Variants in NCKAP5 observed in about 807,000 individuals in gnomAD.
NCKAP5 encodes the protein NCK associated protein 5.
Under a neutral mutation model 167.0 loss-of-function variants are expected in NCKAP5, and 92 were observed. The ratio of observed to expected loss-of-function variants is 0.55; its 90% confidence interval spans 0.47 to 0.66. The LOEUF is 0.66. Ranked by LOEUF, NCKAP5 falls within the 30% of genes least tolerant of loss-of-function variation. NCKAP5 has a pLI of 0.00. For missense variants in NCKAP5, 2,378 were observed against 2,315.0 expected (o/e 1.03, Z -0.56); for synonymous variants, 891 against 877.4 (o/e 1.02, Z -0.27).
chr2:133,189,938 A>G (rs1390499121), intron 5 of NCKAP5, among the ~76,000 whole-genome samples: 1 of 152,170 alleles, frequency 6.6e-6, no homozygotes, highest in African/African-American at 2.4e-5. Context: ...ATCAGGCAGG[A>G]GAAAGAAATA....
chr2:133,208,849 T>G (rs1045751850), intron 5 of NCKAP5, among the ~76,000 whole-genome samples: 1 of 152,218 alleles, frequency 6.6e-6, no homozygotes, highest in Non-Finnish European at 1.5e-5. Context: ...TCTCATTTTC[T>G]ATTTTCAGGA....
intron 3 of NCKAP5, among the ~76,000 whole-genome samples, chr2:133,382,168 C>G (rs1346003665): frequency 6.6e-6 from 1 of 152,268 alleles, no homozygotes; most frequent in Admixed American, 6.5e-5. Flanking sequence ...CCGCCTCTTC[C>G]TCAATCTCAA....
intron 8 of NCKAP5, among the ~76,000 whole-genome samples, chr2:132,892,426 T>C (rs1257157020): frequency 6.6e-6 from 1 of 152,108 alleles, no homozygotes; most frequent in Non-Finnish European, 1.5e-5. Context: ...ACATATTCCA[T>C]CCCCCACCAC....
At position 132,672,392 on chromosome 2, in the gene NCKAP5, C is replaced by G. The variant is rs1683855868; in HGVS notation, c.*897G>C. The G allele has an allele frequency of 6.6e-6, 1 of 152,090 alleles. No homozygotes were observed. The highest frequency in any genetic ancestry group is 1.5e-5 in the Non-Finnish European group (1 of 68,006). The allele number at this position is 152,090 out of a possible 1,614,324, so 9.4% of individuals were successfully genotyped here. Reference sequence around the variant, plus strand: ...CCAATCAGTGTCCACACTTCAGGACCCTTTTCATTTTTCAGCAGAAGCAGA... The same window carrying G: ...CCAATCAGTGTCCACACTTCAGGACGCTTTTCATTTTTCAGCAGAAGCAGA... On this transcript the variant is annotated 3_prime_UTR_variant, in exon 20 of 20. Transcript: ENST00000409261.
rs758410268 is a variant in NCKAP5 at position 132,728,812 on chromosome 2, T to C, written c.5580+4A>G. ...TGCACCCTTCACCTCCCCCGACCCC[T>C]CACCTGGGTCCCGGTGGCAGCAACT... On this transcript the variant is annotated splice_donor_region_variant and intron_variant, in intron 18 of 19. Coordinates refer to ENST00000409261, the MANE Select transcript of NCKAP5 (RefSeq NM_207363.3). The C allele has an allele frequency of 1.5e-5, 24 of 1,613,462 alleles. No individual in the cohort carries two copies. The African/African-American group carries it at 2.7e-4, about 18-fold the overall frequency.
At chr2:132,867,334 T>C (rs113964988) in intron 10 of NCKAP5, among the ~76,000 whole-genome samples, 3,898 of 152,176 alleles carry the variant, frequency 0.026, 179 homozygotes, top group African/African-American at 0.088. Flanking sequence ...AATCGAGAAA[T>C]TAAAGCCTTA....
intron 3 of NCKAP5, among the ~76,000 whole-genome samples, chr2:133,365,326 T>C (rs1685384940): frequency 6.6e-6 from 1 of 152,210 alleles, no homozygotes; most frequent in African/African-American, 2.4e-5. Context: ...GCACATTGTC[T>C]GATAGAAATG....
intron 2 of NCKAP5, among the ~76,000 whole-genome samples, chr2:133,527,974 A>C (rs1685061532): frequency 6.6e-6 from 1 of 152,158 alleles, no homozygotes; most frequent in African/African-American, 2.4e-5. Flanking sequence ...CTGAGGCAGG[A>C]GGACTGCTTA....
intron 3 of NCKAP5, among the ~76,000 whole-genome samples, chr2:133,420,259 T>C (rs1422925767): frequency 6.6e-6 from 1 of 152,204 alleles, no homozygotes; most frequent in Non-Finnish European, 1.5e-5. Context: ...ACTTGTACAA[T>C]GGGGTATTAT....
chr2:133,349,670 T>G (rs914520079), intron 3 of NCKAP5, among the ~76,000 whole-genome samples: 3 of 152,224 alleles, frequency 2.0e-5, no homozygotes, highest in Non-Finnish European at 2.9e-5. Context: ...GTTCACATGT[T>G]TGGCATTTTA....
At chr2:132,863,865 C>T (rs1690132441) in intron 10 of NCKAP5, among the ~76,000 whole-genome samples, 11 of 152,196 alleles carry the variant, frequency 7.2e-5, no homozygotes, top group Admixed American at 7.2e-4. Flanking sequence ...TGCCCATGTA[C>T]ACACTCATAA....
chr2:132,897,382 T>C lies in NCKAP5; in HGVS notation c.580-18466A>G, dbSNP rs558983691. Among the ~76,000 whole-genome samples, 3 of 152,376 alleles carry C rather than the reference T, an allele frequency of 2.0e-5. No homozygotes were observed. In the South Asian group the frequency reaches 6.2e-4, roughly 32 times the overall value. ...AGATGGCTGGGAAAACAGTGTCTTG[T>C]TGATCTTGTTAGAATAAATTATATA... On this transcript the variant is annotated intron_variant, in intron 8 of 19. Transcript: ENST00000409261.
At chr2:133,200,456 C>G (rs564201907) in intron 5 of NCKAP5, among the ~76,000 whole-genome samples, 4 of 151,746 alleles carry the variant, frequency 2.6e-5, no homozygotes, top group Admixed American at 6.6e-5. Context: ...TTCCTTAAGC[C>G]ACACAAAAAA....
At chr2:133,101,209 T>C (rs1167180276) in intron 6 of NCKAP5, among the ~76,000 whole-genome samples, 8 of 144,732 alleles carry the variant, frequency 5.5e-5, no homozygotes, top group African/African-American at 2.1e-4. Context: ...GATCAGATAG[T>C]TGTAGATATG....
intron 5 of NCKAP5, among the ~76,000 whole-genome samples, chr2:133,175,034 G>A (rs900198501): frequency 3.9e-5 from 6 of 152,168 alleles, no homozygotes; most frequent in Admixed American, 1.3e-4. Context: ...ACAGAATGTG[G>A]TGTGATATTA....
chr2:133,085,496 T>C (rs1453141706), intron 6 of NCKAP5, among the ~76,000 whole-genome samples: 1 of 152,174 alleles, frequency 6.6e-6, no homozygotes, highest in East Asian at 1.9e-4. Context: ...ACAGTGCTTA[T>C]TTCTGGGTAA....
intron 11 of NCKAP5, among the ~76,000 whole-genome samples, chr2:132,844,184 G>C (rs1055252123): frequency 2.6e-5 from 4 of 151,926 alleles, no homozygotes; most frequent in African/African-American, 7.2e-5. Context: ...TCATTATAAA[G>C]GTACATGTGT....
At chr2:133,216,704 C>T (rs1422912925) in intron 4 of NCKAP5, among the ~76,000 whole-genome samples, 1 of 151,858 alleles carries the variant, frequency 6.6e-6, no homozygotes, top group Non-Finnish European at 1.5e-5. Flanking sequence ...TCTTATCTTC[C>T]ATAATAGAAA....
At chr2:132,908,086 A>G (rs1694149221) in intron 8 of NCKAP5, among the ~76,000 whole-genome samples, 1 of 152,160 alleles carries the variant, frequency 6.6e-6, no homozygotes, top group Admixed American at 6.5e-5. Flanking sequence ...AACAGTTACA[A>G]ATTCTTTCTT....
Sources: gnomAD v4.1 joint callset for allele counts (sites outside exome capture counted in the v4.1 genomes callset) on GRCh38, gnomAD v4.1.1 for gene constraint, MANE v1.5 for transcripts, NCBI Gene and HGNC (gene_info 2026-07-23, HGNC 2026-07-21) for gene names.